NTM: variants seen among roughly 807,000 people sequenced by gnomAD.
NTM encodes the protein IgLON family member 2.
NTM carries 13 observed loss-of-function variants against 42.1 expected under a neutral mutation model. The observed-to-expected ratio is 0.31, with a 90% CI of 0.20 to 0.49. NTM has a LOEUF of 0.49. NTM is among the 20% of genes least tolerant of loss of function. The pLI, the probability that NTM is intolerant of heterozygous loss-of-function variation, is 0.99. For missense variants in NTM, 373 were observed against 452.8 expected (o/e 0.82, Z 1.60); for synonymous variants, 187 against 179.2 (o/e 1.04, Z -0.35).
At chr11:131,514,238 T>C (rs558082174) in intron 1 of NTM, among the ~76,000 whole-genome samples, 1 of 152,316 alleles carries the variant, frequency 6.6e-6, no homozygotes, top group East Asian at 1.9e-4. Flanking sequence ...GCTAGGCCCT[T>C]GACTTTTTTA....
At chr11:132,301,604 C>A (rs2094861132) in intron 4 of NTM, among the ~76,000 whole-genome samples, 1 of 152,128 alleles carries the variant, frequency 6.6e-6, no homozygotes, top group Non-Finnish European at 1.5e-5. Flanking sequence ...GTTCATCAGC[C>A]ATCATAATGG....
chr11:131,480,131 CTTTT>C (rs55747636), intron 1 of NTM, among the ~76,000 whole-genome samples: 13 of 134,464 alleles, frequency 9.7e-5, no homozygotes, highest in East Asian at 2.2e-4. Flanking sequence ...ATCTTGATTA[CTTTT>C]TTTTTTTTTT....
intron 2 of NTM, among the ~76,000 whole-genome samples, chr11:132,066,902 A>G (rs1163474613): frequency 2.0e-5 from 3 of 152,224 alleles, no homozygotes; most frequent in African/African-American, 7.2e-5. Context: ...CACACACCAT[A>G]TAAGCTCATG....
intron 2 of NTM, among the ~76,000 whole-genome samples, chr11:132,020,773 T>C (rs1314917021): frequency 6.6e-6 from 1 of 152,160 alleles, no homozygotes; most frequent in Non-Finnish European, 1.5e-5. Context: ...TTCTCAGTGT[T>C]CCCCTATAAT....
intron 3 of NTM, among the ~76,000 whole-genome samples, chr11:132,162,848 T>C (rs2074620535): frequency 1.3e-5 from 2 of 151,972 alleles, no homozygotes; most frequent in Non-Finnish European, 2.9e-5. Flanking sequence ...GTGGAGCATG[T>C]GTGAGTGCTT....
chr11:131,662,718 G>T (rs1044815610), intron 1 of NTM, among the ~76,000 whole-genome samples: 1 of 152,102 alleles, frequency 6.6e-6, no homozygotes, highest in Non-Finnish European at 1.5e-5. Context: ...TGGTCTTGAG[G>T]TCCTCCCTTT....
intron 1 of NTM, among the ~76,000 whole-genome samples, chr11:131,809,254 C>A (rs1436497838): frequency 6.6e-6 from 1 of 152,338 alleles, no homozygotes; most frequent in African/African-American, 2.4e-5. Context: ...CATGCAATAA[C>A]AGTGCTGATG....
intron 4 of NTM, among the ~76,000 whole-genome samples, chr11:132,221,112 G>T (rs1447814556): frequency 6.6e-6 from 1 of 152,140 alleles, no homozygotes; most frequent in East Asian, 1.9e-4. Context: ...CATATCACTA[G>T]GTCCTCAGGT....
intron 1 of NTM, among the ~76,000 whole-genome samples, chr11:131,460,615 C>T (rs1324300094): frequency 2.0e-5 from 3 of 152,050 alleles, no homozygotes; most frequent in Admixed American, 6.5e-5. Context: ...TGCAGTGGCG[C>T]GATCTCAGCT....
intron 2 of NTM, among the ~76,000 whole-genome samples, chr11:132,088,420 G>A (rs1306358899): frequency 2.6e-5 from 4 of 152,078 alleles, no homozygotes; most frequent in South Asian, 2.1e-4. Flanking sequence ...GCTGAATCCC[G>A]GTTCTTATCT....
At chr11:131,911,430 G>T in intron 1 of NTM, 134 bp from the exon 2 acceptor site, 1 of 1,611,292 alleles carries the variant, frequency 6.2e-7, no homozygotes, top group Non-Finnish European at 8.5e-7. Context: ...GCTCGCCCGG[G>T]GGGCGTGTGC....
In NTM at chr11:131,741,201, G is replaced by T. The variant is rs977618175; in HGVS notation, c.83-170363G>T. Among the ~76,000 whole-genome samples the T allele has an allele frequency of 7.3e-5, 10 of 137,752 alleles. 1 individual carries two copies. The highest frequency in any genetic ancestry group is 2.4e-4 in the African/African-American group (9 of 37,538). 90.4% of individuals were successfully genotyped at this position (137,752 alleles called of 152,430 possible). A position where few individuals can be genotyped will look rare whatever the true frequency, so the allele number is the denominator to read the frequency against. Reference sequence around the variant, plus strand: ...AGAGAGAGAGAGAGAGAGAGAGAGAGAGAGAGATGTTTTTTGGAGCCTGGG... The same window carrying T: ...AGAGAGAGAGAGAGAGAGAGAGAGATAGAGAGATGTTTTTTGGAGCCTGGG... On this transcript the variant is annotated intron_variant, in intron 1 of 8. Coordinates refer to ENST00000683400, the MANE Select transcript of NTM (RefSeq NM_001352005.2).
chr11:132,142,625 G>T (rs1166913259), intron 2 of NTM, among the ~76,000 whole-genome samples: 2 of 152,194 alleles, frequency 1.3e-5, no homozygotes, highest in East Asian at 3.9e-4. Context: ...ATCCATCTCT[G>T]CAGAAGCCGG....
chr11:132,276,898 G>A (rs186748942), intron 4 of NTM, among the ~76,000 whole-genome samples: 3 of 152,288 alleles, frequency 2.0e-5, no homozygotes, highest in Non-Finnish European at 4.4e-5. Context: ...ATGACTATCC[G>A]AGGTGTAGGG....
chr11:131,778,776 G>A (rs998699054), intron 1 of NTM, among the ~76,000 whole-genome samples: 6 of 152,016 alleles, frequency 3.9e-5, no homozygotes, highest in African/African-American at 1.5e-4. Flanking sequence ...TATTGTAGTA[G>A]GGAGAACTCT....
intron 1 of NTM, among the ~76,000 whole-genome samples, chr11:131,467,336 T>C (rs138906283): frequency 2.8e-4 from 43 of 152,276 alleles, no homozygotes; most frequent in African/African-American, 9.1e-4. Flanking sequence ...TAAATTTCTC[T>C]CATTCCCATA....
intron 1 of NTM, among the ~76,000 whole-genome samples, chr11:131,639,956 AAAAAAT>A (rs569460771): frequency 7.9e-5 from 12 of 151,922 alleles, no homozygotes; most frequent in African/African-American, 2.4e-4. Flanking sequence ...ACTCCGTGTC[AAAAAAT>A]AAAAATAAAA....
At chr11:132,104,937 G>GTGTGTGTGTATA (rs1169190929) in intron 2 of NTM, among the ~76,000 whole-genome samples, 5 of 61,822 alleles carry the variant, frequency 8.1e-5, no homozygotes, top group African/African-American at 3.0e-4. Context: ...ATATACATAT[G>GTGTGTGTGTATA]TATATATATA....
intron 1 of NTM, among the ~76,000 whole-genome samples, chr11:131,902,254 C>CAAAG (rs2053273288): frequency 6.6e-6 from 1 of 152,138 alleles, no homozygotes; most frequent in African/African-American, 2.4e-5. Context: ...GCTAGAAATA[C>CAAAG]AAAGAAACTT....
Sources: gnomAD v4.1 joint callset for allele counts (sites outside exome capture counted in the v4.1 genomes callset) on GRCh38, gnomAD v4.1.1 for gene constraint, MANE v1.5 for transcripts, NCBI Gene and HGNC (gene_info 2026-07-23, HGNC 2026-07-21) for gene names.